PEX13: variants seen among roughly 807,000 people sequenced by gnomAD.
PEX13 encodes the protein peroxisomal biogenesis factor 13, also known as peroxisome biogenesis factor 13.
Under a neutral mutation model 34.5 loss-of-function variants are expected in PEX13, and 28 were observed. The observed-to-expected ratio is 0.81, with a 90% CI of 0.60 to 1.11. The LOEUF is 1.11. Among genes scored for constraint, PEX13 ranks in the 50% most tolerant of loss-of-function variants. The pLI is 0.00. For missense variants in PEX13, 550 were observed against 491.0 expected, an observed-to-expected ratio of 1.12 and a Z score of -1.13; for synonymous variants, 177 against 175.1, an observed-to-expected ratio of 1.01 and a Z score of -0.09.
intron 1 of PEX13, among the ~76,000 whole-genome samples, chr2:61,027,177 A>G (rs956566887): frequency 1.5e-4 from 20 of 134,620 alleles, no homozygotes; most frequent in Admixed American, 2.2e-4. Context: ...TATCAAAAAG[A>G]AAAAAAAAAA....
intron 1 of PEX13, among the ~76,000 whole-genome samples, chr2:61,025,545 G>A (rs908639053): frequency 2.6e-5 from 4 of 152,054 alleles, no homozygotes; most frequent in Admixed American, 2.6e-4. Context: ...TTTTAGTAGA[G>A]ACAGGGTTTC....
chr2:61,027,995 G>A (rs1284770342), intron 1 of PEX13, among the ~76,000 whole-genome samples: 1 of 152,146 alleles, frequency 6.6e-6, no homozygotes, highest in African/African-American at 2.4e-5. Flanking sequence ...TTACCATTTT[G>A]CAGTTCCACA....
chr2:61,026,317 A>G (rs921578620), intron 1 of PEX13, among the ~76,000 whole-genome samples: 5 of 150,228 alleles, frequency 3.3e-5, no homozygotes, highest in Non-Finnish European at 7.4e-5. Context: ...AAACGGTTCC[A>G]GTGGCTGTGG....
At chr2:61,029,055 A>G (rs1680406210) in intron 1 of PEX13, among the ~76,000 whole-genome samples, 1 of 151,234 alleles carries the variant, frequency 6.6e-6, no homozygotes, top group African/African-American at 2.4e-5. Flanking sequence ...TCTCACCTAC[A>G]TAGGAAGCTG....
At chr2:61,033,763 A>G (rs1262587837) in intron 2 of PEX13, among the ~76,000 whole-genome samples, 1 of 152,144 alleles carries the variant, frequency 6.6e-6, no homozygotes, top group Non-Finnish European at 1.5e-5. Context: ...GTTTTCAGTC[A>G]TAGGGAACAG....
intron 1 of PEX13, among the ~76,000 whole-genome samples, chr2:61,029,927 C>T (rs1680423421): frequency 6.6e-6 from 1 of 151,854 alleles, no homozygotes; most frequent in Non-Finnish European, 1.5e-5. Context: ...CATACATTTA[C>T]AGTGTATTAG....
intron 2 of PEX13, among the ~76,000 whole-genome samples, chr2:61,043,333 A>G (rs1331924896): frequency 3.2e-5 from 3 of 94,340 alleles, no homozygotes; most frequent in Non-Finnish European, 5.4e-5. Context: ...TGTCTCTACT[A>G]AAAAAAAAAA....
intron 1 of PEX13, among the ~76,000 whole-genome samples, chr2:61,029,929 G>A (rs1680423463): frequency 1.3e-5 from 2 of 151,952 alleles, no homozygotes; most frequent in Admixed American, 6.6e-5. Context: ...TACATTTACA[G>A]TGTATTAGAT....
In PEX13 at chr2:61,018,063, A is replaced by T. The variant is rs57007118; in HGVS notation, c.92+212A>T. ...TCTGACCCGGCAGCTCTAATCAGCAACGTTTTTTTCGGGAGCTCCTGGGCG... is the reference window on the plus strand; with the variant it reads ...TCTGACCCGGCAGCTCTAATCAGCATCGTTTTTTTCGGGAGCTCCTGGGCG... On this transcript the variant is annotated intron_variant, in intron 1 of 3. Transcript: ENST00000295030. The T allele has an allele frequency of 3.3e-6, 5 of 1,497,734 alleles. No individual in the cohort carries two copies. The Admixed American group carries it at 1.2e-4, about 35-fold the overall frequency. 92.8% of individuals were successfully genotyped at this position (1,497,734 alleles called of 1,614,324 possible).
chr2:61,038,081 A>C (rs1680564839), intron 2 of PEX13, among the ~76,000 whole-genome samples: 1 of 152,228 alleles, frequency 6.6e-6, no homozygotes, highest in African/African-American at 2.4e-5. Flanking sequence ...TGAATAGACC[A>C]ATAACAGGTT....
rs1014508801 is a variant in PEX13 at position 61,033,700 on chromosome 2, G to A, written c.787+1587G>A. On this transcript the variant is annotated intron_variant, in intron 2 of 3. Coordinates refer to ENST00000295030, the MANE Select transcript of PEX13 (RefSeq NM_002618.4). ...GCAGTGCTACATATAGTCAGGGAAC[G>A]CCTCCCTGAAGGAGTTAAGGGAGTA... 5.3e-5 allele frequency among the ~76,000 whole-genome samples: 8 copies of A among 152,168 alleles called. No individual in the cohort carries two copies. The East Asian group carries it at 7.7e-4, about 15-fold the overall frequency.
chr2:61,047,720 C>T lies in PEX13; in HGVS notation c.914-752C>T, dbSNP rs972669367. On this transcript the variant is annotated intron_variant, in intron 3 of 3. Coordinates refer to ENST00000295030, the MANE Select transcript of PEX13 (RefSeq NM_002618.4). ...TTTGGGCCTTTGGAACAAAATCGGT[C>T]GTAGACATGGTAAATTTGTTTTTTC... Among the ~76,000 whole-genome samples, 61 of 152,078 alleles carry T rather than the reference C, an allele frequency of 4.0e-4. 5 individuals carry two copies. Among genetic ancestry groups the T allele is most frequent in the South Asian group, 2.1e-4 (1 of 4,820 alleles).
chr2:61,024,318 A>G (rs895407025), intron 1 of PEX13, among the ~76,000 whole-genome samples: 12 of 152,166 alleles, frequency 7.9e-5, no homozygotes, highest in African/African-American at 2.7e-4. Context: ...ATTTCTTTAA[A>G]TATGGTTTCT....
At chr2:61,021,140 G>A (rs765392987) in intron 1 of PEX13, among the ~76,000 whole-genome samples, 1 of 152,144 alleles carries the variant, frequency 6.6e-6, no homozygotes, top group Non-Finnish European at 1.5e-5. Flanking sequence ...TCCAACTGAG[G>A]TACCTGGTTC....
At chr2:61,030,526 C>G (rs1680433267) in intron 1 of PEX13, among the ~76,000 whole-genome samples, 1 of 152,030 alleles carries the variant, frequency 6.6e-6, no homozygotes, top group African/African-American at 2.4e-5. Flanking sequence ...TCTAGTGTTC[C>G]TAAGCACAGG....
intron 2 of PEX13, among the ~76,000 whole-genome samples, chr2:61,044,138 C>A (rs1014070643): frequency 6.6e-6 from 1 of 152,100 alleles, no homozygotes; most frequent in African/African-American, 2.4e-5. Flanking sequence ...ATTGTGGAGA[C>A]GAGATTCCAC....
At chr2:61,048,011 C>T (rs956386126) in intron 3 of PEX13, among the ~76,000 whole-genome samples, 4 of 152,138 alleles carry the variant, frequency 2.6e-5, no homozygotes, top group African/African-American at 9.7e-5. Flanking sequence ...TTGTTTATTA[C>T]AATCACATGA....
intron 1 of PEX13, among the ~76,000 whole-genome samples, chr2:61,021,029 T>C (rs1434797903): frequency 6.6e-6 from 1 of 152,174 alleles, no homozygotes; most frequent in Admixed American, 6.5e-5. Context: ...GTTGAGACCA[T>C]TGTATGTATT....
chr2:61,031,549 T>A lies in PEX13; in HGVS notation c.223T>A (p.Tyr75Asn). 6.2e-7 allele frequency: 1 copy of A among 1,614,130 alleles called. No homozygotes were observed. The highest frequency in any genetic ancestry group is 8.5e-7 in the Non-Finnish European group (1 of 1,179,992). Residue 75 changes from tyrosine to asparagine, a missense_variant, in exon 2 of 4, where the codon TAC (tyrosine) becomes AAC (asparagine). Physicochemically the swap from Tyr to Asn is moderately radical, Grantham distance 143 (BLOSUM62 -2). Coordinates refer to ENST00000295030, the MANE Select transcript of PEX13 (RefSeq NM_002618.4). ...CAGTGTGAACACTTTTAGACCTGCTTACAGTTCATTTTCTTCTGGATATGG... is the reference window on the plus strand; with the variant it reads ...CAGTGTGAACACTTTTAGACCTGCTAACAGTTCATTTTCTTCTGGATATGG... ...SSSVNTFRPA[Y>N]SSFSSGYGAY...
Sources: gnomAD v4.1 joint callset for allele counts (sites outside exome capture counted in the v4.1 genomes callset) on GRCh38, gnomAD v4.1.1 for gene constraint, MANE v1.5 for transcripts, NCBI Gene and HGNC (gene_info 2026-07-23, HGNC 2026-07-21) for gene names.